Variants in HIVEP1 observed in about 807,000 individuals in gnomAD.
HIVEP1 encodes the protein zinc finger protein 40.
A neutral mutation model predicts 180.0 loss-of-function variants in HIVEP1; 36 were observed. That is an observed-to-expected ratio of 0.20 (90% CI 0.15 to 0.26). The LOEUF (loss-of-function observed/expected upper bound fraction) is 0.26, where lower values mean the gene tolerates loss of function less well. HIVEP1 is among the 10% of genes least tolerant of loss of function. The probability of loss-of-function intolerance (pLI) is 1.00; values close to 1 mark genes in which losing one functional copy is unlikely to be tolerated. For missense variants in HIVEP1, 3,143 were observed against 3,268.7 expected, an observed-to-expected ratio of 0.96 and a Z score of 0.94; for synonymous variants, 1,239 against 1,239.0, an observed-to-expected ratio of 1.00 and a Z score of 0.00.
intron 7 of HIVEP1, among the ~76,000 whole-genome samples, chr6:12,152,695 C>G (rs909842458): frequency 5.3e-5 from 8 of 152,184 alleles, no homozygotes; most frequent in Non-Finnish European, 7.3e-5. Flanking sequence ...TATTCAGAGA[C>G]AGAAACATCA....
chr6:12,081,349 G>GT (rs1476140312), intron 2 of HIVEP1, among the ~76,000 whole-genome samples: 1 of 152,126 alleles, frequency 6.6e-6, no homozygotes, highest in Non-Finnish European at 1.5e-5. Context: ...ACTTTGCCAT[G>GT]TTTTTACTAG....
chr6:12,077,776 T>C (rs868179759), intron 2 of HIVEP1, among the ~76,000 whole-genome samples: 1 of 152,208 alleles, frequency 6.6e-6, no homozygotes, highest in Non-Finnish European at 1.5e-5. Flanking sequence ...CCCTTTCTCA[T>C]CTTCTGTGCC....
chr6:12,089,594 A>G (rs188247180), intron 3 of HIVEP1, among the ~76,000 whole-genome samples: 1 of 147,738 alleles, frequency 6.8e-6, no homozygotes, highest in Non-Finnish European at 1.5e-5. Context: ...CATTCATGTG[A>G]TGCAGTTTTC....
Position 12,164,646 on chromosome 6 carries a change from C to A in HIVEP1, c.*185C>A, listed in dbSNP as rs1478586898. The A allele has an allele frequency of 3.7e-6, 2 of 541,634 alleles. No individual in the cohort carries two copies. The highest frequency in any genetic ancestry group is 6.4e-6 in the Non-Finnish European group (2 of 312,032). The allele number at this position is 541,634 out of a possible 1,614,324, so 33.6% of individuals were successfully genotyped here. ...GCCATTTTTGTACATGTTGTATAGA[C>A]AATTGTGCCTTTTAGGAGCTTTATG... On this transcript the variant is annotated 3_prime_UTR_variant, in exon 9 of 9. Coordinates refer to ENST00000379388, the MANE Select transcript of HIVEP1 (RefSeq NM_002114.4).
intron 7 of HIVEP1, among the ~76,000 whole-genome samples, chr6:12,143,752 G>A (rs575315740): frequency 3.3e-4 from 50 of 151,944 alleles, no homozygotes; most frequent in Non-Finnish European, 5.2e-4. Context: ...ACAGACAAAC[G>A]GAGAGCCAAA....
intron 7 of HIVEP1, among the ~76,000 whole-genome samples, chr6:12,152,537 C>T (rs1463946451): frequency 6.6e-6 from 1 of 152,194 alleles, no homozygotes; most frequent in Non-Finnish European, 1.5e-5. Flanking sequence ...ATACCATTGT[C>T]TTCTGTTCAT....
intron 3 of HIVEP1, among the ~76,000 whole-genome samples, chr6:12,107,922 G>C (rs879900275): frequency 6.6e-5 from 10 of 152,008 alleles, no homozygotes; most frequent in Non-Finnish European, 4.4e-5. Context: ...GGTTCTCCAC[G>C]TCCCCACCAG....
chr6:12,156,908 G>T (rs1018737839), intron 7 of HIVEP1, among the ~76,000 whole-genome samples: 1 of 152,054 alleles, frequency 6.6e-6, no homozygotes, highest in African/African-American at 2.4e-5. Context: ...CTATTTATGT[G>T]TCCCATTAAT....
intron 2 of HIVEP1, among the ~76,000 whole-genome samples, chr6:12,078,299 G>A (rs961297695): frequency 2.6e-5 from 4 of 151,956 alleles, no homozygotes; most frequent in Admixed American, 1.3e-4. Context: ...GACTTGGTCC[G>A]CATTGTCAGG....
At chr6:12,162,990 T>G (rs1183648728) in intron 8 of HIVEP1, among the ~76,000 whole-genome samples, 1 of 152,212 alleles carries the variant, frequency 6.6e-6, no homozygotes, top group Non-Finnish European at 1.5e-5. Context: ...TCAGAGTTAT[T>G]CTCTGTGTAC....
the HIVEP1 span, among the ~76,000 whole-genome samples, chr6:12,183,041 G>A: frequency 6.6e-6 from 1 of 152,160 alleles, no homozygotes; most frequent in Non-Finnish European, 1.5e-5. Flanking sequence ...ATTCATGGGG[G>A]AGTCTGTATC....
In HIVEP1 at chr6:12,129,866, A is replaced by T; in HGVS notation, c.6183A>T (p.Pro2061=). 6.4e-7 allele frequency: 1 copy of T among 1,565,354 alleles called. No individual in the cohort carries two copies. The highest frequency in any genetic ancestry group is 8.8e-7 in the Non-Finnish European group (1 of 1,140,594). The change falls in exon 5 of 9, where the codon CCA becomes CCT. Residue 2061 remains proline, a synonymous_variant. Coordinates refer to ENST00000379388, the MANE Select transcript of HIVEP1 (RefSeq NM_002114.4). The part of the protein sequence containing the change: ...DKENSLIKSE[P]RRIKIFDGGY... ...AAAATTCCTTAATCAAAAGTGAACC[A>T]AGAAGAATTAAAATATTTGATGGAG...
the HIVEP1 span, among the ~76,000 whole-genome samples, chr6:12,184,430 C>T: frequency 6.6e-6 from 1 of 152,206 alleles, no homozygotes; most frequent in African/African-American, 2.4e-5. Flanking sequence ...TCAAACTTCT[C>T]TTCATTCCAC....
the HIVEP1 span, among the ~76,000 whole-genome samples, chr6:12,192,689 G>A: frequency 5.9e-5 from 9 of 152,212 alleles, no homozygotes; most frequent in African/African-American, 2.2e-4. Flanking sequence ...ATGATTGTAA[G>A]TTTCCTGAGG....
chr6:12,034,862 T>C (rs1769177198), intron 2 of HIVEP1, among the ~76,000 whole-genome samples: 2 of 152,194 alleles, frequency 1.3e-5, no homozygotes, highest in African/African-American at 4.8e-5. Context: ...TACCAGGCTG[T>C]GTGTGGCATC....
At chr6:12,018,848 A>G (rs1768006342) in intron 2 of HIVEP1, among the ~76,000 whole-genome samples, 1 of 152,214 alleles carries the variant, frequency 6.6e-6, no homozygotes, top group South Asian at 2.1e-4. Flanking sequence ...AGAAGGAGAC[A>G]GAGAGGCAGG....
At chr6:12,039,829 T>A (rs1450165723) in intron 2 of HIVEP1, among the ~76,000 whole-genome samples, 1 of 152,042 alleles carries the variant, frequency 6.6e-6, no homozygotes. Context: ...ACAGGGGATA[T>A]CACCACCCAT....
intron 2 of HIVEP1, among the ~76,000 whole-genome samples, chr6:12,026,147 C>G (rs988081802): frequency 6.6e-6 from 1 of 152,104 alleles, no homozygotes; most frequent in Admixed American, 6.5e-5. Context: ...AATCTTGTAC[C>G]TGCCCTCTTA....
At chr6:12,023,808 A>T (rs1768406587) in intron 2 of HIVEP1, among the ~76,000 whole-genome samples, 1 of 152,204 alleles carries the variant, frequency 6.6e-6, no homozygotes. Flanking sequence ...ATTTTAGAAC[A>T]TTTTTGTACA....
Sources: gnomAD v4.1 joint callset for allele counts (sites outside exome capture counted in the v4.1 genomes callset) on GRCh38, gnomAD v4.1.1 for gene constraint, MANE v1.5 for transcripts, NCBI Gene and HGNC (gene_info 2026-07-23, HGNC 2026-07-21) for gene names.